BTBD9: variants seen among roughly 807,000 people sequenced by gnomAD.
BTBD9 encodes the protein BTB/POZ domain-containing protein 9.
Under a neutral mutation model 64.3 loss-of-function variants are expected in BTBD9, and 49 were observed. That is an observed-to-expected ratio of 0.76 (90% CI 0.61 to 0.97). The LOEUF is 0.97. Ranked by LOEUF, BTBD9 falls within the 50% of genes least tolerant of loss-of-function variation. The pLI, the probability that BTBD9 is intolerant of heterozygous loss-of-function variation, is 0.00. For synonymous variants in BTBD9, 260 were observed against 274.7 expected (o/e 0.95, Z 0.53); for missense variants, 598 against 762.1 (o/e 0.78, Z 2.53).
At chr6:38,582,032 T>C (rs968125370) in intron 4 of BTBD9, among the ~76,000 whole-genome samples, 3 of 152,322 alleles carry the variant, frequency 2.0e-5, no homozygotes, top group South Asian at 2.1e-4. Flanking sequence ...GGCAAAAAGA[T>C]AGTAATTCAT....
intron 1 of BTBD9, among the ~76,000 whole-genome samples, chr6:38,611,055 C>T (rs1562417762): frequency 6.6e-6 from 1 of 152,054 alleles, no homozygotes; most frequent in African/African-American, 2.4e-5. Context: ...GTGACATAAG[C>T]AAGCAGACCT....
At chr6:38,505,838 G>A (rs1207907237) in intron 6 of BTBD9, among the ~76,000 whole-genome samples, 1 of 150,768 alleles carries the variant, frequency 6.6e-6, no homozygotes, top group Non-Finnish European at 1.5e-5. Flanking sequence ...GGTGGCATGC[G>A]TCTGTAGTCC....
At chr6:38,407,924 T>C (rs998945262) in intron 6 of BTBD9, among the ~76,000 whole-genome samples, 8 of 152,204 alleles carry the variant, frequency 5.3e-5, no homozygotes, top group Non-Finnish European at 8.8e-5. Flanking sequence ...TGATGTATAA[T>C]CAGATCAAAG....
intron 10 of BTBD9, among the ~76,000 whole-genome samples, chr6:38,180,133 C>T (rs1388082465): frequency 6.6e-6 from 1 of 152,164 alleles, no homozygotes; most frequent in Non-Finnish European, 1.5e-5. Flanking sequence ...TCAACATGTA[C>T]GAGGCTGGGG....
intron 6 of BTBD9, among the ~76,000 whole-genome samples, chr6:38,474,208 A>C (rs1770778031): frequency 6.6e-6 from 1 of 152,180 alleles, no homozygotes; most frequent in East Asian, 1.9e-4. Context: ...AAAACTAGTT[A>C]TGGGGCTATT....
At chr6:38,296,322 A>G (rs775992458) in intron 7 of BTBD9, among the ~76,000 whole-genome samples, 1 of 152,046 alleles carries the variant, frequency 6.6e-6, no homozygotes, top group African/African-American at 2.4e-5. Flanking sequence ...CATTCAAAGT[A>G]TTATTTATTA....
At chr6:38,574,267 T>C (rs1007780063) in intron 6 of BTBD9, among the ~76,000 whole-genome samples, 6 of 152,204 alleles carry the variant, frequency 3.9e-5, no homozygotes, top group African/African-American at 1.4e-4. Flanking sequence ...GTGAGGTGAA[T>C]GCTGACTGAA....
At chr6:38,344,844 C>A in intron 7 of BTBD9, 140 bp downstream of exon 7, 1 of 479,396 alleles carries the variant, frequency 2.1e-6, no homozygotes, top group East Asian at 2.9e-5. Flanking sequence ...AAATGTAAGC[C>A]ATTCCCTATG....
chr6:38,366,838 T>C (rs1320132332), intron 6 of BTBD9, among the ~76,000 whole-genome samples: 1 of 152,238 alleles, frequency 6.6e-6, no homozygotes, highest in Non-Finnish European at 1.5e-5. Context: ...ACGTGATATA[T>C]GCTCAGTTTC....
chr6:38,280,285 T>C (rs976765882), intron 8 of BTBD9, among the ~76,000 whole-genome samples: 11 of 152,160 alleles, frequency 7.2e-5, no homozygotes, highest in African/African-American at 2.7e-4. Context: ...TGCTGTATGA[T>C]TTTTCTGGGA....
chr6:38,375,540 A>G (rs1044993170), intron 6 of BTBD9, among the ~76,000 whole-genome samples: 1 of 152,176 alleles, frequency 6.6e-6, no homozygotes, highest in African/African-American at 2.4e-5. Flanking sequence ...CATCTTCCAC[A>G]TTTTTGTCTA....
intron 6 of BTBD9, chr6:38,402,773 T>C (rs1251651948): frequency 1.1e-5 from 8 of 699,256 alleles, no homozygotes; most frequent in East Asian, 2.7e-5. Flanking sequence ...TTCTTAGCAA[T>C]GAAACCTAAA....
At chr6:38,313,272 AT>A (rs369196722) in intron 7 of BTBD9, among the ~76,000 whole-genome samples, 11 of 152,140 alleles carry the variant, frequency 7.2e-5, no homozygotes, top group Non-Finnish European at 1.3e-4. Flanking sequence ...AGTTCTAATA[AT>A]TTTTTGGTGG....
intron 1 of BTBD9, among the ~76,000 whole-genome samples, chr6:38,608,481 TATG>T (rs1463374519): frequency 6.6e-6 from 1 of 152,220 alleles, no homozygotes; most frequent in African/African-American, 2.4e-5. Context: ...ATTTAAATTA[TATG>T]ATATTTTCCT....
At chr6:38,188,780 C>T (rs1441056672) in intron 10 of BTBD9, among the ~76,000 whole-genome samples, 1 of 152,136 alleles carries the variant, frequency 6.6e-6, no homozygotes, top group Non-Finnish European at 1.5e-5. Flanking sequence ...AAGGTGAAAC[C>T]CCCGTGATGG....
At chr6:38,202,907 A>G (rs1240526548) in intron 9 of BTBD9, among the ~76,000 whole-genome samples, 1 of 152,244 alleles carries the variant, frequency 6.6e-6, no homozygotes, top group Non-Finnish European at 1.5e-5. Flanking sequence ...CAATAGAGTG[A>G]TAAGGTAATC....
Position 38,592,817 on chromosome 6 carries a change from T to C in BTBD9, c.573A>G (p.Leu191=), listed in dbSNP as rs2127491716. 6.2e-7 allele frequency: 1 copy of C among 1,614,162 alleles called. No homozygotes were observed. Residue 191 remains leucine, a synonymous_variant, in exon 4 of 11, where the codon TTA becomes TTG. Coordinates refer to ENST00000481247, the MANE Select transcript of BTBD9 (RefSeq NM_001099272.2). Reference sequence around the variant, plus strand: ...TTTCGGGAGCTGCAAATGAGTCTCTTAACACGATGTTTAAAAGTGCTGTCT... The same window carrying C: ...TTTCGGGAGCTGCAAATGAGTCTCTCAACACGATGTTTAAAAGTGCTGTCT... ...LSKTALLNIV[L]RDSFAAPEKD...
intron 6 of BTBD9, among the ~76,000 whole-genome samples, chr6:38,442,093 A>G (rs1177901149): frequency 6.6e-6 from 1 of 152,184 alleles, no homozygotes; most frequent in Non-Finnish European, 1.5e-5. Flanking sequence ...TACATATAAC[A>G]AAATCACAGT....
intron 1 of BTBD9, among the ~76,000 whole-genome samples, chr6:38,604,760 T>C (rs550138098): frequency 3.9e-5 from 6 of 152,342 alleles, no homozygotes; most frequent in African/African-American, 1.4e-4. Context: ...GGGTTAATAT[T>C]CAAATAATTG....
Sources: gnomAD v4.1 joint callset for allele counts (sites outside exome capture counted in the v4.1 genomes callset) on GRCh38, gnomAD v4.1.1 for gene constraint, MANE v1.5 for transcripts, NCBI Gene and HGNC (gene_info 2026-07-23, HGNC 2026-07-21) for gene names.